BTBD9: variants seen among roughly 807,000 people sequenced by gnomAD.
The protein encoded by BTBD9 is BTB domain containing 9, also known as BTB/POZ domain-containing protein 9.
Under a neutral mutation model 64.3 loss-of-function variants are expected in BTBD9, and 49 were observed. The ratio of observed to expected loss-of-function variants is 0.76; its 90% CI spans 0.61 to 0.97. The LOEUF is 0.97. Among genes scored for constraint, BTBD9 ranks in the 50% least tolerant of loss-of-function variants. The pLI, the probability that BTBD9 is intolerant of heterozygous loss-of-function variation, is 0.00. For synonymous variants in BTBD9, 260 were observed against 274.7 expected (o/e 0.95, Z 0.53); for missense variants, 598 against 762.1 (o/e 0.78, Z 2.53).
intron 7 of BTBD9, among the ~76,000 whole-genome samples, chr6:38,307,017 G>GC (rs59582669): frequency 0.099 from 15,102 of 152,176 alleles, 1,783 homozygotes; most frequent in East Asian, 0.41. Flanking sequence ...GAGATACAAA[G>GC]ATTTCCTGTT....
chr6:38,312,546 T>C (rs147317620), intron 7 of BTBD9, among the ~76,000 whole-genome samples: 256 of 152,298 alleles, frequency 1.7e-3, no homozygotes, highest in African/African-American at 5.0e-3. Context: ...AGAGAGTAAA[T>C]TTATGTATTT....
intron 6 of BTBD9, among the ~76,000 whole-genome samples, chr6:38,386,082 C>T (rs1363248005): frequency 6.6e-6 from 1 of 152,142 alleles, no homozygotes; most frequent in Non-Finnish European, 1.5e-5. Context: ...GCGTGAGCCA[C>T]CACGCCCAAC....
chr6:38,475,015 C>T (rs1380722576), intron 6 of BTBD9, among the ~76,000 whole-genome samples: 4 of 151,956 alleles, frequency 2.6e-5, no homozygotes, highest in African/African-American at 9.7e-5. Flanking sequence ...AATTATGGTA[C>T]CTCTATATAA....
rs1027323781 is a variant in BTBD9 at position 38,296,567 on chromosome 6, T to C, written c.1265-8106A>G. On this transcript the variant is annotated intron_variant, in intron 7 of 10. Transcript: ENST00000481247. ...TCTTTTTCTTTTCTAAAAAAATGTATTTAAAGCTAATATAGTATTTTACTT... is the reference window on the plus strand; with the variant it reads ...TCTTTTTCTTTTCTAAAAAAATGTACTTAAAGCTAATATAGTATTTTACTT... 7.9e-5 allele frequency among the ~76,000 whole-genome samples: 12 copies of C among 152,266 alleles called. No homozygotes were observed. In the East Asian group the frequency reaches 1.9e-3, roughly 24 times the overall value.
chr6:38,228,625 C>T (rs548236548), intron 9 of BTBD9, among the ~76,000 whole-genome samples: 1 of 151,934 alleles, frequency 6.6e-6, no homozygotes, highest in Admixed American at 6.6e-5. Flanking sequence ...CCTGTAATCC[C>T]AGCACTTTGG....
chr6:38,536,081 C>G (rs1774009745), intron 6 of BTBD9, among the ~76,000 whole-genome samples: 1 of 152,080 alleles, frequency 6.6e-6, no homozygotes, highest in Non-Finnish European at 1.5e-5. Flanking sequence ...GTGAAAATAT[C>G]TGCAAACTAT....
chr6:38,357,588 G>A (rs1039571658), intron 6 of BTBD9, among the ~76,000 whole-genome samples: 1 of 152,148 alleles, frequency 6.6e-6, no homozygotes, highest in African/African-American at 2.4e-5. Flanking sequence ...CATCCCTTTG[G>A]TTATTCCTGT....
At chr6:38,372,728 G>A (rs925292588) in intron 6 of BTBD9, among the ~76,000 whole-genome samples, 3 of 152,138 alleles carry the variant, frequency 2.0e-5, no homozygotes, top group Admixed American at 1.3e-4. Flanking sequence ...CCTCCATTCA[G>A]ACGACATAAG....
At chr6:38,587,587 A>G (rs187290734) in intron 4 of BTBD9, 148 of 573,576 alleles carry the variant, frequency 2.6e-4, no homozygotes, top group African/African-American at 2.5e-3. Context: ...ACTGAAATTG[A>G]CATTATTTGT....
At position 38,448,924 on chromosome 6, in the gene BTBD9, A is replaced by T. The variant is rs143094828; in HGVS notation, c.1155-103831T>A. On this transcript the variant is annotated intron_variant, in intron 6 of 10. Transcript: ENST00000481247. The stretch of plus-strand genomic sequence containing the variant: ...ACCATATGAGAAAATAATTGATATA[A>T]CCACATGGCCCATCTGGGTACTATT... 1.3e-3 allele frequency among the ~76,000 whole-genome samples: 199 copies of T among 152,290 alleles called. 1 individual carries two copies. The highest frequency in any genetic ancestry group is 4.5e-3 in the African/African-American group (188 of 41,552).
rs1230910311 is a variant in BTBD9 at position 38,465,745 on chromosome 6, A to ATG, written c.1154+111854_1154+111855insCA. 6.7e-3 allele frequency among the ~76,000 whole-genome samples: 294 copies of ATG among 44,046 alleles called. 1 individual carries two copies. The highest frequency in any genetic ancestry group is 9.3e-3 in the Non-Finnish European group (220 of 23,614). 28.9% of individuals were successfully genotyped at this position (44,046 alleles called of 152,430 possible). On this transcript the variant is annotated intron_variant, in intron 6 of 10. Transcript: ENST00000481247. The stretch of plus-strand genomic sequence containing the variant: ...TATATATATATATATATATATATAT[A>ATG]TATATATATATGTATGTATGTATGT...
chr6:38,498,094 C>T (rs565302170), intron 6 of BTBD9, among the ~76,000 whole-genome samples: 1 of 152,190 alleles, frequency 6.6e-6, no homozygotes, highest in South Asian at 2.1e-4. Flanking sequence ...TCCAGCACAA[C>T]CAACATCCAA....
intron 1 of BTBD9, among the ~76,000 whole-genome samples, chr6:38,621,268 G>A (rs913557311): frequency 1.3e-5 from 2 of 152,202 alleles, no homozygotes; most frequent in African/African-American, 4.8e-5. Flanking sequence ...GCTACTCCTT[G>A]AGGGACCAGT....
chr6:38,403,144 A>G (rs951750453), intron 6 of BTBD9, among the ~76,000 whole-genome samples: 4 of 151,776 alleles, frequency 2.6e-5, no homozygotes, highest in Non-Finnish European at 4.4e-5. Flanking sequence ...GAAGAGAAGA[A>G]AAGGAAAGGA....
intron 1 of BTBD9, among the ~76,000 whole-genome samples, chr6:38,634,495 T>C (rs190701858): frequency 2.0e-5 from 3 of 152,194 alleles, no homozygotes; most frequent in Non-Finnish European, 1.5e-5. Flanking sequence ...TAAGACTCAA[T>C]GTGCCTAATA....
At chr6:38,241,884 A>T (rs1212303465) in intron 9 of BTBD9, among the ~76,000 whole-genome samples, 4 of 152,204 alleles carry the variant, frequency 2.6e-5, no homozygotes, top group South Asian at 2.1e-4. Context: ...TTAAGTAGGC[A>T]ATAGGAAGGA....
chr6:38,535,527 TA>T (rs1414838963), intron 6 of BTBD9, among the ~76,000 whole-genome samples: 1 of 151,852 alleles, frequency 6.6e-6, no homozygotes, highest in East Asian at 1.9e-4. Context: ...TATGGAACCA[TA>T]AAAGACCCAG....
chr6:38,293,118 T>C (rs571738466), intron 7 of BTBD9, among the ~76,000 whole-genome samples: 11 of 152,254 alleles, frequency 7.2e-5, no homozygotes, highest in Middle Eastern at 3.4e-3. Context: ...TTCCATGTAG[T>C]TGTGCAGTTT....
At chr6:38,265,563 G>A (rs1057424716) in intron 8 of BTBD9, among the ~76,000 whole-genome samples, 5 of 149,024 alleles carry the variant, frequency 3.4e-5, no homozygotes, top group African/African-American at 5.0e-5. Context: ...GTTCAGTGGC[G>A]TAATCTTGGC....
Sources: allele counts gnomAD v4.1 joint callset (sites outside exome capture counted in the v4.1 genomes callset), GRCh38; gene constraint gnomAD v4.1.1; transcripts MANE v1.5; gene names NCBI Gene and HGNC (gene_info 2026-07-23, HGNC 2026-07-21).